STAC2: variants seen among roughly 807,000 people sequenced by gnomAD.
STAC2 encodes the protein SH3 and cysteine-rich domain-containing protein 2.
In STAC2, 36 loss-of-function variants were observed where a neutral mutation model predicts 49.0. The observed-to-expected ratio is 0.74, with a 90% CI of 0.56 to 0.97. The LOEUF (loss-of-function observed/expected upper bound fraction) is 0.97, where lower values mean the gene tolerates loss of function less well. Among genes scored for constraint, STAC2 ranks in the 50% least tolerant of loss-of-function variants. The pLI is 0.00. For missense variants in STAC2, 527 were observed against 543.8 expected (o/e 0.97, Z 0.31); for synonymous variants, 239 against 214.7 (o/e 1.11, Z -0.99).
In STAC2 at chr17:39,212,271, T is replaced by A. The variant is rs756374902; in HGVS notation, c.*21A>T. ...GGTCCAGGCATGGGCAAGGGTGTCA[T>A]CTGGGTTCCCTTGGCTCCTCTCAGA... On this transcript the variant is annotated 3_prime_UTR_variant, in exon 11 of 11. Transcript: ENST00000333461. 17 of 1,583,536 alleles carry A rather than the reference T, an allele frequency of 1.1e-5. No individual in the cohort carries two copies. The South Asian group carries it at 1.8e-4, about 17-fold the overall frequency.
rs1400213965 is a variant in STAC2 at position 39,225,657 on chromosome 17, G to T, written c.-155C>A. 8.0e-6 allele frequency: 6 copies of T among 747,524 alleles called. No homozygotes were observed. The highest frequency in any genetic ancestry group is 1.3e-5 in the Non-Finnish European group (6 of 454,914). 46.3% of individuals were successfully genotyped at this position (747,524 alleles called of 1,614,324 possible). A position where few individuals can be genotyped will look rare whatever the true frequency, so the allele number is the denominator to read the frequency against. ...ACGGCAGCCCCCAACCCGCGGGAGCGGGCAGAGAAAGTTGCCGGGGTGGCG... is the reference window on the plus strand; with the variant it reads ...ACGGCAGCCCCCAACCCGCGGGAGCTGGCAGAGAAAGTTGCCGGGGTGGCG... On this transcript the variant is annotated 5_prime_UTR_variant, in exon 1 of 11. Coordinates refer to ENST00000333461, the MANE Select transcript of STAC2 (RefSeq NM_198993.5). This position sits in a 1 kb window ranked among gnomAD's most constrained non-coding sequence, Gnocchi z 8.2.
chr17:39,223,492 C>A (rs1303745448), intron 1 of STAC2, among the ~76,000 whole-genome samples: 1 of 152,212 alleles, frequency 6.6e-6, no homozygotes, highest in African/African-American at 2.4e-5. Flanking sequence ...CCCTCCCCTA[C>A]TCCTTGAATC....
chr17:39,219,641 A>C (rs1597735930), intron 1 of STAC2, among the ~76,000 whole-genome samples: 1 of 152,040 alleles, frequency 6.6e-6, no homozygotes, highest in Non-Finnish European at 1.5e-5. Context: ...CAGCGGCTGG[A>C]CTCTCCTTGA....
At position 39,225,344 on chromosome 17, in the gene STAC2, A is replaced by G; in HGVS notation, c.90+69T>C. On this transcript the variant is annotated intron_variant, in intron 1 of 10. Transcript: ENST00000333461. This position sits in a 1 kb window ranked among gnomAD's most constrained non-coding sequence, Gnocchi z 8.2. ...GCGACCCTAGGACGCCCGGGCCCAC[A>G]GGAGGACCCCGCCGGGAAGAGGGCG... is the stretch of plus-strand genomic sequence containing the variant. The G allele has an allele frequency of 1.5e-6, 2 of 1,377,706 alleles. No homozygotes were observed. Among genetic ancestry groups the G allele is most frequent in the Non-Finnish European group, 2.0e-6 (2 of 1,023,354 alleles). 85.3% of individuals were successfully genotyped at this position (1,377,706 alleles called of 1,614,324 possible). A position where few individuals can be genotyped will look rare whatever the true frequency, so the allele number is the denominator to read the frequency against.
rs2046502316 is a variant in STAC2, at chr17:39,225,375, G to C, written c.90+38C>G. ...ACCCCGCCGGGAAGAGGGCGCCCGG[G>C]CCCGGGGCGCGGACAGGCCTTGCGC... is the stretch of plus-strand genomic sequence containing the variant. On this transcript the variant is annotated intron_variant, in intron 1 of 10. Transcript: ENST00000333461. The surrounding 1 kb of genome is among the most constrained non-coding windows in gnomAD (Gnocchi z 8.2). 14 of 1,555,080 alleles carry C rather than the reference G, an allele frequency of 9.0e-6. No individual in the cohort carries two copies. Among genetic ancestry groups the C allele is most frequent in the Non-Finnish European group, 1.2e-5 (14 of 1,153,942 alleles).
At chr17:39,220,633 C>T (rs2046452480) in intron 1 of STAC2, among the ~76,000 whole-genome samples, 2 of 152,108 alleles carry the variant, frequency 1.3e-5, no homozygotes, top group South Asian at 4.2e-4. Context: ...TGCCACCATG[C>T]CCGGCTAATT....
At chr17:39,218,879 G>A (rs2046435373) in intron 1 of STAC2, among the ~76,000 whole-genome samples, 1 of 152,156 alleles carries the variant, frequency 6.6e-6, no homozygotes, top group Admixed American at 6.5e-5. Context: ...GTATCCACCT[G>A]TGTTCTCGAA....
chr17:39,214,153 T>C, intron 8 of STAC2, 80 bp downstream of exon 8: 1 of 1,515,716 alleles, frequency 6.6e-7, no homozygotes, highest in Non-Finnish European at 9.1e-7. Context: ...AGAAGGTTCC[T>C]GAAGGCCCCC....
chr17:39,217,173 C>T lies in STAC2; in HGVS notation c.398G>A (p.Gly133Glu), dbSNP rs377081725. The T allele has an allele frequency of 9.9e-6, 16 of 1,612,652 alleles. No individual in the cohort carries two copies. Among genetic ancestry groups the T allele is most frequent in the African/African-American group, 6.7e-5 (5 of 74,890 alleles). ...ACATCGCAAGCCCTGTTTGGAGTTTCCTAGGAAGAATTTGGGTTCAGCAAT... is the reference window on the plus strand; with the variant it reads ...ACATCGCAAGCCCTGTTTGGAGTTTTCTAGGAAGAATTTGGGTTCAGCAAT... Reference protein sequence around the residue: ...PCELCHQLIVGNSKQGLRCKM... With the variant: ...PCELCHQLIVENSKQGLRCKM... Residue 133 changes from glycine (G) to glutamate (E), a missense_variant and splice_region_variant, in exon 3 of 11, where the codon GGA becomes GAA. Physicochemically the swap from Gly to Glu is moderately conservative, Grantham distance 98. Transcript: ENST00000333461.
chr17:39,220,097 C>A (rs2046446799), intron 1 of STAC2, among the ~76,000 whole-genome samples: 1 of 152,230 alleles, frequency 6.6e-6, no homozygotes, highest in African/African-American at 2.4e-5. Context: ...CTGAAGGGCT[C>A]AGTGCCTTCC....
Position 39,212,138 on chromosome 17 carries a change from A to G in STAC2, c.*154T>C, listed in dbSNP as rs1597729510. On this transcript the variant is annotated 3_prime_UTR_variant, in exon 11 of 11. Coordinates refer to ENST00000333461, the MANE Select transcript of STAC2 (RefSeq NM_198993.5). The stretch of plus-strand genomic sequence containing the variant: ...CCACCCAAGAAATAAAATCTTCCCC[A>G]GTACAAAAGGCTCCTAAGCCACGGT... 2.1e-5 allele frequency: 5 copies of G among 233,240 alleles called. No individual in the cohort carries two copies. Among genetic ancestry groups the G allele is most frequent in the South Asian group, 1.7e-4 (4 of 23,032 alleles). The allele number at this position is 233,240 out of a possible 1,614,324, so 14.4% of individuals were successfully genotyped here.
chr17:39,217,816 A>T, intron 2 of STAC2, 51 bp downstream of exon 2: 1 of 1,547,812 alleles, frequency 6.5e-7, no homozygotes, highest in Non-Finnish European at 8.7e-7. Context: ...CCCACTCCCC[A>T]GTACCCACGC....
intron 1 of STAC2, among the ~76,000 whole-genome samples, chr17:39,220,506 ACT>A (rs1291913130): frequency 6.7e-6 from 1 of 149,398 alleles, no homozygotes; most frequent in Non-Finnish European, 1.5e-5. Context: ...ATGGAGTCTC[ACT>A]CTGTCACCCA....
chr17:39,214,908 C>T (rs57363360), intron 6 of STAC2, 43 bp downstream of exon 6: 99,488 of 1,613,840 alleles, frequency 0.062, 3,548 homozygotes, highest in African/African-American at 0.14. Context: ...GGAGCACCCT[C>T]CATTGTACCC....
In STAC2 at chr17:39,212,074, C is replaced by A. The variant is rs2046359118; in HGVS notation, c.*218G>T. ...CTCATTCCCTCCCACCCCACCCCAT[C>A]CCCGCCAAGTCCCAGAGGATCAACC... On this transcript the variant is annotated 3_prime_UTR_variant, in exon 11 of 11. Coordinates refer to ENST00000333461, the MANE Select transcript of STAC2 (RefSeq NM_198993.5). 1 of 177,168 alleles carries A rather than the reference C, an allele frequency of 5.6e-6. No individual in the cohort carries two copies. The allele number at this position is 177,168 out of a possible 1,614,324, so 11.0% of individuals were successfully genotyped here. A position where few individuals can be genotyped will look rare whatever the true frequency, so the allele number is the denominator to read the frequency against.
At chr17:39,216,297 A>G (rs1372835626) in intron 4 of STAC2, among the ~76,000 whole-genome samples, 1 of 152,130 alleles carries the variant, frequency 6.6e-6, no homozygotes, top group African/African-American at 2.4e-5. Flanking sequence ...CACACATTCT[A>G]TGCTCTATTC....
At chr17:39,213,653 T>A in intron 8 of STAC2, 95 bp from the exon 9 acceptor site, 20 of 855,326 alleles carry the variant, frequency 2.3e-5, no homozygotes, top group Non-Finnish European at 3.0e-5. Flanking sequence ...ACTGCAGTCC[T>A]CAGCTGGGAG....
At chr17:39,217,844 C>A in intron 2 of STAC2, 23 bp downstream of exon 2, 2 of 1,583,698 alleles carry the variant, frequency 1.3e-6, no homozygotes, top group South Asian at 1.1e-5. Flanking sequence ...TCCCCGTGGC[C>A]GCCTCAGTGC....
intron 4 of STAC2, 111 bp from the exon 5 acceptor site, chr17:39,215,341 C>G: frequency 9.6e-7 from 1 of 1,041,136 alleles, no homozygotes. Flanking sequence ...ACCTGTCCCT[C>G]CCAGGTCTTC....
Sources: gnomAD v4.1 joint callset for allele counts (sites outside exome capture counted in the v4.1 genomes callset) on GRCh38, gnomAD v4.1.1 for gene constraint, Gnocchi (gnomAD v3.1) non-coding constraint, MANE v1.5 for transcripts, NCBI Gene and HGNC (gene_info 2026-07-23, HGNC 2026-07-21) for gene names.